Variants in BTBD7 observed in about 807,000 individuals in gnomAD.
BTBD7 encodes BTB/POZ domain-containing protein 7.
Under a neutral mutation model 99.9 loss-of-function variants are expected in BTBD7, and 38 were observed. The observed-to-expected ratio is 0.38, with a 90% CI of 0.29 to 0.50. The LOEUF (loss-of-function observed/expected upper bound fraction) is 0.50, where lower values mean the gene tolerates loss of function less well. BTBD7 is among the 20% of genes least tolerant of loss of function. The pLI, the probability that BTBD7 is intolerant of heterozygous loss-of-function variation, is 0.93. For synonymous variants in BTBD7, 520 were observed against 511.4 expected, an observed-to-expected ratio of 1.02 and a Z score of -0.23; for missense variants, 1,170 against 1,394.6, an observed-to-expected ratio of 0.84 and a Z score of 2.57.
At chr14:93,293,219 G>C (rs1302126220) in intron 3 of BTBD7, among the ~76,000 whole-genome samples, 1 of 152,082 alleles carries the variant, frequency 6.6e-6, no homozygotes, top group Non-Finnish European at 1.5e-5. Flanking sequence ...GAATTTGTTT[G>C]CCTATAACAC....
intron 1 of BTBD7, among the ~76,000 whole-genome samples, chr14:93,319,340 A>G (rs1439737976): frequency 1.3e-5 from 2 of 152,256 alleles, no homozygotes; most frequent in African/African-American, 4.8e-5. Context: ...CAATTAATAG[A>G]TATCACAACA....
chr14:93,285,699 T>C (rs1213094270), intron 3 of BTBD7, among the ~76,000 whole-genome samples: 1 of 152,204 alleles, frequency 6.6e-6, no homozygotes, highest in Non-Finnish European at 1.5e-5. Flanking sequence ...TTACCCAGTA[T>C]ATATGCTAAG....
chr14:93,329,200 G>C (rs554184266), intron 1 of BTBD7, among the ~76,000 whole-genome samples: 3 of 151,754 alleles, frequency 2.0e-5, no homozygotes, highest in African/African-American at 7.3e-5. Flanking sequence ...ATCCTAATTA[G>C]AAAACAGGGA....
intron 1 of BTBD7, among the ~76,000 whole-genome samples, chr14:93,298,687 T>C (rs1322200100): frequency 2.0e-5 from 3 of 152,008 alleles, no homozygotes; most frequent in African/African-American, 7.2e-5. Context: ...CAAAAATCCC[T>C]TTTTTTAAAA....
At position 93,241,983 on chromosome 14, in the gene BTBD7, A is replaced by C. The variant is rs1284557817; in HGVS notation, c.*290T>G. 3 of 438,214 alleles carry C rather than the reference A, an allele frequency of 6.8e-6. No individual in the cohort carries two copies. The East Asian group carries it at 1.0e-4, about 15-fold the overall frequency. The allele number at this position is 438,214 out of a possible 1,614,324, so 27.1% of individuals were successfully genotyped here. A position where few individuals can be genotyped will look rare whatever the true frequency, so the allele number is the denominator to read the frequency against. On this transcript the variant is annotated 3_prime_UTR_variant, in exon 11 of 11. Coordinates refer to ENST00000334746, the MANE Select transcript of BTBD7 (RefSeq NM_001002860.4). ...AGAAAATAAATGTACAAGTGCAAAA[A>C]AATTCCATCATTTGTAAAGAGAAAT...
chr14:93,291,947 G>A (rs374756291), intron 3 of BTBD7, among the ~76,000 whole-genome samples: 25 of 152,284 alleles, frequency 1.6e-4, no homozygotes, highest in East Asian at 1.2e-3. Flanking sequence ...AGCACCTTGG[G>A]AGGCCGAGGC....
chr14:93,282,328 CTTTT>C (rs1367297884), intron 3 of BTBD7, among the ~76,000 whole-genome samples: 1 of 143,190 alleles, frequency 7.0e-6, no homozygotes, highest in Non-Finnish European at 1.5e-5. Context: ...AAGAGCAATG[CTTTT>C]TTCTTTTTTT....
intron 1 of BTBD7, among the ~76,000 whole-genome samples, chr14:93,327,705 T>A (rs1333574399): frequency 6.6e-6 from 1 of 152,146 alleles, no homozygotes; most frequent in Non-Finnish European, 1.5e-5. Context: ...ACGTTTCCTC[T>A]AAGATCAGGA....
chr14:93,284,875 G>C (rs935494970), intron 3 of BTBD7, among the ~76,000 whole-genome samples: 2 of 152,030 alleles, frequency 1.3e-5, no homozygotes, highest in African/African-American at 4.8e-5. Context: ...CAGAGGGTCA[G>C]AGGTGAAGAG....
intron 1 of BTBD7, among the ~76,000 whole-genome samples, chr14:93,298,013 G>A (rs563740162): frequency 6.6e-6 from 1 of 152,094 alleles, no homozygotes; most frequent in Non-Finnish European, 1.5e-5. Context: ...CCTATGGCTA[G>A]GCCTCTTTGC....
intron 3 of BTBD7, among the ~76,000 whole-genome samples, chr14:93,275,680 T>C (rs1348257612): frequency 6.6e-6 from 1 of 152,238 alleles, no homozygotes; most frequent in Non-Finnish European, 1.5e-5. Flanking sequence ...GCCATTTTTT[T>C]GCTCATAGGC....
chr14:93,322,504 G>T (rs187081339), intron 1 of BTBD7, among the ~76,000 whole-genome samples: 11,912 of 152,036 alleles, frequency 0.078, 979 homozygotes, highest in African/African-American at 0.21. Context: ...TTAAATTCAA[G>T]AATTAGTAAG....
rs1267934372 is a variant in BTBD7 at position 93,248,633 on chromosome 14, T to C, written c.1964A>G (p.Lys655Arg). ...EIPVPRLLIM[K>R]DMVRRLQELR... ...TTCCTGCAGTCGTCTGACCATGTCTTTCATAATGAGGAGACGAGGAACTGG... is the reference window on the plus strand; with the variant it reads ...TTCCTGCAGTCGTCTGACCATGTCTCTCATAATGAGGAGACGAGGAACTGG... The change falls in exon 9 of 11, where the codon AAA becomes AGA. Residue 655 changes from lysine (K) to arginine (R), a missense_variant. Lys to Arg is a conservative substitution (Grantham distance 26). Coordinates refer to ENST00000334746, the MANE Select transcript of BTBD7 (RefSeq NM_001002860.4). 4.3e-6 allele frequency: 7 copies of C among 1,611,402 alleles called. No individual in the cohort carries two copies. The highest frequency in any genetic ancestry group is 5.9e-6 in the Non-Finnish European group (7 of 1,179,342).
Position 93,295,983 on chromosome 14 carries a change from T to C in BTBD7, c.69A>G (p.Gln23=). 2 of 1,614,034 alleles carry C rather than the reference T, an allele frequency of 1.2e-6. No individual in the cohort carries two copies. Among genetic ancestry groups the C allele is most frequent in the South Asian group, 1.1e-5 (1 of 91,078 alleles). ...ACTGAAAGTTACCTATAAAAGTCTGTTGGGCCTGTGAATTTCCCCCTACCC... is the reference window on the plus strand; with the variant it reads ...ACTGAAAGTTACCTATAAAAGTCTGCTGGGCCTGTGAATTTCCCCCTACCC... ...SPRVGGNSQA[Q]QTFIGTSSYS... Residue 23 remains glutamine (Q), a synonymous_variant, in exon 2 of 11, where the codon CAA becomes CAG. Coordinates refer to ENST00000334746, the MANE Select transcript of BTBD7 (RefSeq NM_001002860.4).
intron 1 of BTBD7, among the ~76,000 whole-genome samples, chr14:93,311,657 A>G (rs1022804555): frequency 2.0e-5 from 3 of 152,144 alleles, no homozygotes; most frequent in East Asian, 1.9e-4. Context: ...TGCAGCCTAC[A>G]TAATAGTTTA....
chr14:93,310,022 G>A (rs937700397), intron 1 of BTBD7, among the ~76,000 whole-genome samples: 7 of 151,978 alleles, frequency 4.6e-5, no homozygotes, highest in South Asian at 2.1e-4. Context: ...CTGGGGTGCC[G>A]TGGCACAAAC....
intron 1 of BTBD7, among the ~76,000 whole-genome samples, chr14:93,314,523 A>G (rs941906573): frequency 2.0e-5 from 3 of 152,196 alleles, no homozygotes; most frequent in African/African-American, 7.2e-5. Flanking sequence ...AAATTCCTAC[A>G]TAGAACTGTG....
intron 10 of BTBD7, chr14:93,244,030 C>CCATCGGACTTT: frequency 2.9e-6 from 1 of 350,278 alleles, no homozygotes; most frequent in Non-Finnish European, 5.5e-6. Context: ...TTCCTAAAAC[C>CCATCGGACTTT]CATCGGACTT....
At chr14:93,276,964 T>C (rs1205794559) in intron 3 of BTBD7, among the ~76,000 whole-genome samples, 3 of 145,500 alleles carry the variant, frequency 2.1e-5, no homozygotes, top group Non-Finnish European at 4.5e-5. Flanking sequence ...TGCAGTGGCA[T>C]GATCTCAGCT....
Sources: gnomAD v4.1 joint callset for allele counts (sites outside exome capture counted in the v4.1 genomes callset) on GRCh38, gnomAD v4.1.1 for gene constraint, MANE v1.5 for transcripts, NCBI Gene and HGNC (gene_info 2026-07-23, HGNC 2026-07-21) for gene names.